The following FAM151A variants were observed in gnomAD, a reference collection of about 807,000 sequenced individuals.
FAM151A encodes the protein protein FAM151A.
In FAM151A, 41 loss-of-function variants were observed where a neutral mutation model predicts 40.4. That is an observed-to-expected ratio of 1.01 (90% CI 0.79 to 1.32). The LOEUF is 1.32. Ranked by LOEUF, FAM151A falls within the 40% of genes most tolerant of loss-of-function variation. FAM151A has a pLI of 0.00. For missense variants in FAM151A, 740 were observed against 740.4 expected (o/e 1.00, Z 0.01); for synonymous variants, 337 against 312.5 (o/e 1.08, Z -0.83).
chr1:54,609,578 T>A lies in FAM151A; in HGVS notation c.1448A>T (p.Glu483Val). ...TTCCCTGTAGCCACTGCCCAGCACC[T>A]CCTCAGGCCAGCCTGGTGCCACAGT... Reference protein sequence around the residue: ...HVTVAPGWPEEVLGSGYREQL... With the variant: ...HVTVAPGWPEVVLGSGYREQL... The change falls in exon 8 of 8, where the codon GAG (glutamate) becomes GTG (valine). Residue 483 changes from glutamate to valine, a missense_variant. Physicochemically the swap from Glu to Val is moderately radical, Grantham distance 121. Transcript: ENST00000302250. 1 of 1,613,042 alleles carries A rather than the reference T, an allele frequency of 6.2e-7. No individual in the cohort carries two copies. Among genetic ancestry groups the A allele is most frequent in the East Asian group, 2.2e-5 (1 of 44,872 alleles).
At chr1:54,619,817 C>G (rs746571417) in intron 2 of FAM151A, 47 bp downstream of exon 2, 2 of 1,599,360 alleles carry the variant, frequency 1.3e-6, no homozygotes, top group African/African-American at 2.7e-5. Context: ...CCTCTGTCTT[C>G]TCTATCCCTT....
rs758161638 is a variant in FAM151A at position 54,614,808 on chromosome 1, A to C, written c.467T>G (p.Leu156Arg). 10 of 1,614,108 alleles carry C rather than the reference A, an allele frequency of 6.2e-6. No homozygotes were observed. Among genetic ancestry groups the C allele is most frequent in the Non-Finnish European group, 8.5e-6 (10 of 1,180,024 alleles). Residue 156 changes from leucine (L) to arginine (R), a missense_variant, in exon 4 of 8, where the codon CTC (leucine) becomes CGC (arginine). Physicochemically the swap from Leu to Arg is moderately radical, Grantham distance 102 (BLOSUM62 -2). Coordinates refer to ENST00000302250, the MANE Select transcript of FAM151A (RefSeq NM_176782.3). Reference protein sequence around the residue: ...NIKAVGPSLDLLRQLTEEGKV... With the variant: ...NIKAVGPSLDRLRQLTEEGKV... ...GCCTTCCTCTGTCAGCTGCCGCAGG[A>C]GGTCCAGGGAGGGGCCCACTGCCTT...
chr1:54,609,557 CT>C lies in FAM151A; in HGVS notation c.1468del (p.Arg490GlyfsTer9), dbSNP rs746792207. The C allele has an allele frequency of 1.9e-6, 3 of 1,612,658 alleles. No individual in the cohort carries two copies. Among genetic ancestry groups the C allele is most frequent in the Non-Finnish European group, 2.5e-6 (3 of 1,180,038 alleles). On this transcript the variant is annotated frameshift_variant, in exon 8 of 8. Transcript: ENST00000302250. LOFTEE classifies it low-confidence loss of function (END_TRUNC). ...TAGCATATCTGTGAGCAGCTGTTCC[CT>C]GTAGCCACTGCCCAGCACCTCCTCA... The part of the protein sequence containing the change: ...WPEEVLGSGY[R>X]EQLLTDMLEL...
Position 54,612,352 on chromosome 1 carries a change from C to T in FAM151A, c.800+134G>A. The T allele has an allele frequency of 4.7e-6, 3 of 636,152 alleles. No individual in the cohort carries two copies. In the South Asian group the frequency reaches 5.7e-5, roughly 12 times the overall value. The allele number at this position is 636,152 out of a possible 1,614,324, so 39.4% of individuals were successfully genotyped here. ...GAGGTATGCAAGCAGAAAGCAGGGA[C>T]TCTGCAGAGGGCATGAGCACTGGCA... is the stretch of plus-strand genomic sequence containing the variant. On this transcript the variant is annotated intron_variant, in intron 5 of 7. Transcript: ENST00000302250.
In FAM151A at chr1:54,611,678, C is replaced by T; in HGVS notation, c.868G>A (p.Asp290Asn). 5.0e-6 allele frequency: 8 copies of T among 1,614,102 alleles called. No individual in the cohort carries two copies. Among genetic ancestry groups the T allele is most frequent in the Non-Finnish European group, 5.9e-6 (7 of 1,180,008 alleles). ...TAGACTTGGTGGACAGCAGTGTTAT[C>T]CCGGACGTAGAGCAGATCTTCCACC... is the stretch of plus-strand genomic sequence containing the variant. ...MSVEDLLYVR[D>N]NTAVHQVYYD... Residue 290 changes from aspartate to asparagine, a missense_variant, in exon 6 of 8, where the codon GAT becomes AAT. Physicochemically the swap from Asp to Asn is conservative, Grantham distance 23. Transcript: ENST00000302250.
In FAM151A at chr1:54,614,634, C is replaced by G. The variant is rs561746742; in HGVS notation, c.575+66G>C. The stretch of plus-strand genomic sequence containing the variant: ...CAAACTCAGAGGTCCCCTAAGATCC[C>G]CATCCTGTGGTAGGTGTTGACAGAA... On this transcript the variant is annotated intron_variant, in intron 4 of 7. Coordinates refer to ENST00000302250, the MANE Select transcript of FAM151A (RefSeq NM_176782.3). 32 of 1,512,960 alleles carry G rather than the reference C, an allele frequency of 2.1e-5. No individual in the cohort carries two copies. The East Asian group carries it at 7.1e-4, about 34-fold the overall frequency. 93.7% of individuals were successfully genotyped at this position (1,512,960 alleles called of 1,614,324 possible).
rs945814392 is a variant in FAM151A, at chr1:54,610,508, G to C, written c.988C>G (p.Pro330Ala). Residue 330 changes from proline (P) to alanine (A), a missense_variant, in exon 7 of 8, where the codon CCT (proline) becomes GCT (alanine). Pro to Ala is a conservative substitution (Grantham distance 27, BLOSUM62 -1). Transcript: ENST00000302250. ...PMYYTGGSLI[P>A]LLQLPGDDGL... The stretch of plus-strand genomic sequence containing the variant: ...TCATCCCCAGGCAGCTGGAGAAGAG[G>C]GATCAGGCTGCCTCCCGTGTAGTAC... 1 of 1,613,458 alleles carries C rather than the reference G, an allele frequency of 6.2e-7. No individual in the cohort carries two copies. Among genetic ancestry groups the C allele is most frequent in the African/African-American group, 1.3e-5 (1 of 74,914 alleles).
chr1:54,613,101 C>T (rs1644136171), intron 4 of FAM151A, among the ~76,000 whole-genome samples: 1 of 152,118 alleles, frequency 6.6e-6, no homozygotes, highest in East Asian at 1.9e-4. Flanking sequence ...TCCCTCCTGC[C>T]AGGTGTGGTG....
At position 54,622,401 on chromosome 1, in the gene FAM151A, A is replaced by G. The variant is rs535377862; in HGVS notation, c.118+877T>C. 3.3e-5 allele frequency among the ~76,000 whole-genome samples: 5 copies of G among 152,194 alleles called. No homozygotes were observed. In the South Asian group the frequency reaches 8.3e-4, roughly 25 times the overall value. ...CAAGACCATCCTGGCCAACATGGTG[A>G]AACCCGTCTGTACTAAAAATACAAA... On this transcript the variant is annotated intron_variant, in intron 1 of 7. Transcript: ENST00000302250.
intron 5 of FAM151A, 47 bp from the exon 6 acceptor site, chr1:54,611,792 C>A: frequency 6.2e-7 from 1 of 1,609,276 alleles, no homozygotes; most frequent in Non-Finnish European, 8.5e-7. Context: ...CCCAGCAAGA[C>A]CCTCAGCCCC....
chr1:54,612,087 T>C (rs1326603723), intron 5 of FAM151A, among the ~76,000 whole-genome samples: 1 of 97,680 alleles, frequency 1.0e-5, no homozygotes, highest in Admixed American at 1.2e-4. Context: ...GGGGCAGCTT[T>C]GGGAGTCCTA....
At chr1:54,615,181 C>T (rs1644159919) in intron 3 of FAM151A, among the ~76,000 whole-genome samples, 1 of 152,126 alleles carries the variant, frequency 6.6e-6, no homozygotes, top group South Asian at 2.1e-4. Flanking sequence ...CCTGTGGTTC[C>T]TGAGCAGGGC....
At chr1:54,612,997 T>C (rs993563578) in intron 4 of FAM151A, among the ~76,000 whole-genome samples, 1 of 95,970 alleles carries the variant, frequency 1.0e-5, no homozygotes, top group Non-Finnish European at 2.1e-5. Context: ...CATCCTCATA[T>C]AGACAGGAAA....
At chr1:54,620,359 C>A (rs760736645) in intron 1 of FAM151A, among the ~76,000 whole-genome samples, 3 of 152,182 alleles carry the variant, frequency 2.0e-5, no homozygotes, top group Non-Finnish European at 4.4e-5. Context: ...GTGCAGTTGC[C>A]TGAAGAGCCA....
intron 6 of FAM151A, chr1:54,610,824 T>G (rs2101013754): frequency 1.0e-6 from 1 of 985,412 alleles, no homozygotes; most frequent in Non-Finnish European, 1.2e-6. Flanking sequence ...CTCGCTTAGG[T>G]GGCTCCCATG....
At position 54,609,335 on chromosome 1, in the gene FAM151A, G is replaced by A; in HGVS notation, c.1691C>T (p.Thr564Ile). 2 of 1,614,064 alleles carry A rather than the reference G, an allele frequency of 1.2e-6. No individual in the cohort carries two copies. The highest frequency in any genetic ancestry group is 1.7e-6 in the Non-Finnish European group (2 of 1,179,944). Residue 564 changes from threonine (T) to isoleucine (I), a missense_variant, in exon 8 of 8, where the codon ACC (threonine) becomes ATC (isoleucine). Physicochemically the swap from Thr to Ile is moderately conservative, Grantham distance 89. Transcript: ENST00000302250. ...CTGGGGTAGCCTGTAGTAGACTCGG[G>A]TCCTGTCCACAGCCCTAGCTGCCAG... Reference protein sequence around the residue: ...ALLAARAVDRTRVYYRLPQGY... With the variant: ...ALLAARAVDRIRVYYRLPQGY...
intron 3 of FAM151A, 80 bp from the exon 4 acceptor site, chr1:54,614,939 G>GTGTGT (rs1644156277): frequency 1.2e-5 from 15 of 1,210,182 alleles, no homozygotes; most frequent in East Asian, 4.8e-5. Context: ...AAGCAGAGCG[G>GTGTGT]GTGTGTGTGT....
chr1:54,610,716 G>A (rs1388582974), intron 6 of FAM151A, 161 bp from the exon 7 acceptor site: 3 of 979,850 alleles, frequency 3.1e-6, no homozygotes, highest in Non-Finnish European at 3.6e-6. Context: ...ACTAGAAGAA[G>A]TGACTTGCCC....
Position 54,610,547 on chromosome 1 carries a change from TGGC to T in FAM151A, c.946_948del (p.Ala316del). 1.9e-6 allele frequency: 3 copies of T among 1,611,534 alleles called. No homozygotes were observed. Among genetic ancestry groups the T allele is most frequent in the Non-Finnish European group, 2.5e-6 (3 of 1,178,470 alleles). On this transcript the variant is annotated inframe_deletion, in exon 7 of 8. Transcript: ENST00000302250. ...CCCGTGTAGTACATTGGTTTCCGTG[TGGC>T]ATTCACTGTGGGGCCCCAAATCGCC...
Sources: gnomAD v4.1 joint callset for allele counts (sites outside exome capture counted in the v4.1 genomes callset) on GRCh38, gnomAD v4.1.1 for gene constraint, MANE v1.5 for transcripts, NCBI Gene and HGNC (gene_info 2026-07-23, HGNC 2026-07-21) for gene names.